ADCY10: variants seen among roughly 807,000 people sequenced by gnomAD.
ADCY10 encodes the protein adenylate cyclase 10.
Under a neutral mutation model 183.3 loss-of-function variants are expected in ADCY10, and 156 were observed. The ratio of observed to expected loss-of-function variants is 0.85; its 90% CI spans 0.75 to 0.97. The LOEUF (loss-of-function observed/expected upper bound fraction) is 0.97. ADCY10 is among the 50% of genes least tolerant of loss of function. ADCY10 has a pLI of 0.00. For synonymous variants in ADCY10, 645 were observed against 670.0 expected (o/e 0.96, Z 0.58); for missense variants, 1,745 against 1,934.3 (o/e 0.90, Z 1.84).
At chr1:167,899,658 C>T (rs375993502) in intron 5 of ADCY10, 30 bp from the exon 6 acceptor site, 19 of 1,606,290 alleles carry the variant, frequency 1.2e-5, no homozygotes, top group Non-Finnish European at 1.5e-5. Flanking sequence ...TAGGTTTGCA[C>T]AAGAAGTTCT....
chr1:167,896,567 A>G, intron 7 of ADCY10, 28 bp downstream of exon 7: 1 of 1,559,232 alleles, frequency 6.4e-7, no homozygotes, highest in Non-Finnish European at 8.8e-7. Flanking sequence ...GGTAGAGGCA[A>G]AGGCATTTTT....
In ADCY10 at chr1:167,902,040, C is replaced by T; in HGVS notation, c.268G>A (p.Gly90Arg). ...CCTGCAAATTTCAGGATGTCTCCTCCAAAAATCAACACTTCTGAGAAAAAA... is the reference window on the plus strand; with the variant it reads ...CCTGCAAATTTCAGGATGTCTCCTCTAAAAATCAACACTTCTGAGAAAAAA... The part of the protein sequence containing the change: ...SAIVEKVLIF[G>R]GDILKFAGDA... The change falls in exon 4 of 33, where the codon GGA becomes AGA. Residue 90 changes from glycine to arginine, a missense_variant. Physicochemically the swap from Gly to Arg is moderately radical, Grantham distance 125 (BLOSUM62 -2). Transcript: ENST00000367851. The T allele has an allele frequency of 6.2e-7, 1 of 1,609,874 alleles. No homozygotes were observed. Among genetic ancestry groups the T allele is most frequent in the Non-Finnish European group, 8.5e-7 (1 of 1,178,918 alleles).
intron 18 of ADCY10, among the ~76,000 whole-genome samples, chr1:167,850,562 G>A (rs1665391463): frequency 1.3e-5 from 2 of 151,998 alleles, no homozygotes. Flanking sequence ...AGTAGACCCA[G>A]GTAGAGAGCC....
chr1:167,880,033 T>G, intron 11 of ADCY10, 82 bp downstream of exon 11: 1 of 1,218,070 alleles, frequency 8.2e-7, no homozygotes, highest in African/African-American at 1.5e-5. Context: ...TCTCACTCAT[T>G]TTTGTGCTTC....
In ADCY10 at chr1:167,833,961, G is replaced by T. The variant is rs765178901; in HGVS notation, c.3417+9C>A. ...AACAGATAAATTCAAGTCTTTAATG[G>T]TTTCTTACCTCACCTTTGAGGCTGT... On this transcript the variant is annotated intron_variant, in intron 24 of 32. Coordinates refer to ENST00000367851, the MANE Select transcript of ADCY10 (RefSeq NM_018417.6). 1.2e-6 allele frequency: 2 copies of T among 1,606,590 alleles called. No homozygotes were observed. Among genetic ancestry groups the T allele is most frequent in the Non-Finnish European group, 1.7e-6 (2 of 1,173,394 alleles).
intron 18 of ADCY10, among the ~76,000 whole-genome samples, chr1:167,852,806 T>C (rs1403480471): frequency 1.3e-5 from 2 of 150,812 alleles, no homozygotes; most frequent in African/African-American, 4.9e-5. Flanking sequence ...AGCTTTGCCC[T>C]GTTCTCTCAG....
At chr1:167,892,038 AT>A (rs1668635555) in intron 8 of ADCY10, among the ~76,000 whole-genome samples, 2 of 149,132 alleles carry the variant, frequency 1.3e-5, no homozygotes, top group Non-Finnish European at 3.0e-5. Context: ...CAGTGGAGCA[AT>A]CTCGGCTCAC....
intron 12 of ADCY10, among the ~76,000 whole-genome samples, chr1:167,876,245 A>C (rs1667462696): frequency 6.6e-6 from 1 of 150,386 alleles, no homozygotes; most frequent in Admixed American, 6.7e-5. Flanking sequence ...CAACAAAAGC[A>C]AAGCTCCATC....
At chr1:167,891,811 G>A (rs1053432294) in intron 8 of ADCY10, among the ~76,000 whole-genome samples, 2 of 152,030 alleles carry the variant, frequency 1.3e-5, no homozygotes, top group South Asian at 2.1e-4. Context: ...ATTCTTCAAC[G>A]ACAATGTGAA....
intron 8 of ADCY10, among the ~76,000 whole-genome samples, chr1:167,893,363 C>A (rs1189283559): frequency 6.6e-6 from 1 of 152,166 alleles, no homozygotes; most frequent in African/African-American, 2.4e-5. Flanking sequence ...GAATAATGAT[C>A]TCTTTGAAAG....
intron 8 of ADCY10, among the ~76,000 whole-genome samples, chr1:167,888,463 C>A (rs998744357): frequency 2.0e-5 from 3 of 151,758 alleles, no homozygotes; most frequent in African/African-American, 7.3e-5. Context: ...ATAGTTTTCA[C>A]GGTAGAGATC....
intron 7 of ADCY10, among the ~76,000 whole-genome samples, chr1:167,895,319 C>T (rs2102370883): frequency 6.6e-6 from 1 of 152,194 alleles, no homozygotes; most frequent in African/African-American, 2.4e-5. Flanking sequence ...TGTCATGAGG[C>T]TTTCTCCTTC....
At chr1:167,852,443 C>CA (rs1043674575) in intron 18 of ADCY10, among the ~76,000 whole-genome samples, 53 of 136,826 alleles carry the variant, frequency 3.9e-4, no homozygotes, top group African/African-American at 1.0e-3. Context: ...GACTCTGTCT[C>CA]AAAAAAAAAA....
chr1:167,827,707 TAAA>T (rs10599580), intron 26 of ADCY10, among the ~76,000 whole-genome samples: 13,092 of 149,404 alleles, frequency 0.088, 649 homozygotes, highest in Middle Eastern at 0.13. Context: ...ATTTTAAATT[TAAA>T]AAAAAAAAAT....
chr1:167,817,000 C>T (rs777873262), intron 31 of ADCY10, among the ~76,000 whole-genome samples: 1 of 152,166 alleles, frequency 6.6e-6, no homozygotes, highest in African/African-American at 2.4e-5. Context: ...TATGTAAATA[C>T]ATCTCCTAAG....
At chr1:167,867,765 G>A (rs1412017631) in intron 14 of ADCY10, among the ~76,000 whole-genome samples, 1 of 151,812 alleles carries the variant, frequency 6.6e-6, no homozygotes, top group Non-Finnish European at 1.5e-5. Flanking sequence ...AATAAGATGC[G>A]GTTCTTTAAA....
At chr1:167,830,381 A>C (rs1663628413) in intron 25 of ADCY10, among the ~76,000 whole-genome samples, 3 of 147,480 alleles carry the variant, frequency 2.0e-5, no homozygotes, top group South Asian at 4.4e-4. Flanking sequence ...TTTTTAGTTT[A>C]CAAAAAAAAA....
intron 21 of ADCY10, among the ~76,000 whole-genome samples, chr1:167,840,348 G>A (rs1430877251): frequency 6.9e-6 from 1 of 145,828 alleles, no homozygotes; most frequent in African/African-American, 2.6e-5. Flanking sequence ...TTGCTTGGGT[G>A]AATCATATTA....
At position 167,810,866 on chromosome 1, in the gene ADCY10, G is replaced by C. The variant is rs114703390; in HGVS notation, c.4530C>G (p.Cys1510Trp). The C allele has an allele frequency of 1.0e-4, 163 of 1,614,038 alleles. 1 individual carries two copies. In the African/African-American group the frequency reaches 2.1e-3, roughly 20 times the overall value. Residue 1510 changes from cysteine to tryptophan, a missense_variant, in exon 32 of 33, where the codon TGC (cysteine) becomes TGG (tryptophan). Transcript: ENST00000367851. ...VAQNTTGPVF[C>W]PRLYHLMAYV... is the part of the protein sequence containing the mutation. ...AAGCCATCAGGTGGTAGAGCCTTGGGCAAAAGACAGGGCCAGTGGTATTTT... is the reference window on the plus strand; with the variant it reads ...AAGCCATCAGGTGGTAGAGCCTTGGCCAAAAGACAGGGCCAGTGGTATTTT...
Sources: gnomAD v4.1 joint callset for allele counts (sites outside exome capture counted in the v4.1 genomes callset) on GRCh38, gnomAD v4.1.1 for gene constraint, MANE v1.5 for transcripts, NCBI Gene and HGNC (gene_info 2026-07-23, HGNC 2026-07-21) for gene names.